TRAK2: variants seen among roughly 807,000 people sequenced by gnomAD.
The protein encoded by TRAK2 is trafficking kinesin-binding protein 2.
Under a neutral mutation model 104.6 loss-of-function variants are expected in TRAK2, and 81 were observed. The observed-to-expected ratio is 0.77, with a 90% CI of 0.65 to 0.93. TRAK2 has a LOEUF of 0.93. Ranked by LOEUF, TRAK2 falls within the 40% of genes least tolerant of loss-of-function variation. The pLI, the probability that TRAK2 is intolerant of heterozygous loss-of-function variation, is 0.00. For missense variants in TRAK2, 1,002 were observed against 1,089.0 expected (o/e 0.92, Z 1.12); for synonymous variants, 406 against 394.4 (o/e 1.03, Z -0.35).
intron 2 of TRAK2, among the ~76,000 whole-genome samples, chr2:201,417,563 C>T (rs1413353413): frequency 6.6e-6 from 1 of 152,078 alleles, no homozygotes; most frequent in Non-Finnish European, 1.5e-5. Context: ...AATTTCTCAT[C>T]CAATTTGGAA....
rs1951516257 is a variant in TRAK2, at chr2:201,397,903, T to G, written c.690+242A>C. 7.1e-6 allele frequency: 4 copies of G among 565,098 alleles called. No individual in the cohort carries two copies. The East Asian group carries it at 1.1e-4, about 16-fold the overall frequency. 35.0% of individuals were successfully genotyped at this position (565,098 alleles called of 1,614,324 possible). A position where few individuals can be genotyped will look rare whatever the true frequency, so the allele number is the denominator to read the frequency against. On this transcript the variant is annotated intron_variant, in intron 6 of 15. Transcript: ENST00000332624. ...TAACTACTTAGTTACTTGCGTAAAC[T>G]CCACAAGATACATTTTCTATCCTGT... is the stretch of plus-strand genomic sequence containing the variant.
chr2:201,388,008 GA>G lies in TRAK2; in HGVS notation c.1398-8del. On this transcript the variant is annotated splice_region_variant and splice_polypyrimidine_tract_variant and intron_variant, in intron 12 of 15. Transcript: ENST00000332624. ...GCCCATCTTCTGGGAGCTCCTATAG[GA>G]AAATCGCGTTCACTGATTAGATCTT... 6.2e-7 allele frequency: 1 copy of G among 1,613,974 alleles called. No individual in the cohort carries two copies. The highest frequency in any genetic ancestry group is 1.1e-5 in the South Asian group (1 of 91,028).
chr2:201,389,536 T>A, intron 11 of TRAK2, 33 bp from the exon 12 acceptor site: 1 of 1,589,030 alleles, frequency 6.3e-7, no homozygotes, highest in Non-Finnish European at 8.6e-7. Flanking sequence ...TTATTATCAC[T>A]GCTAGCCACT....
rs1576527091 is a variant in TRAK2, at chr2:201,420,677, T to A, written c.-170A>T. Reference sequence around the variant, plus strand: ...ACATCCGTAGCAACGAGCACTCTCATGTGATTATCATACTTTGGACAGTCA... The same window carrying A: ...ACATCCGTAGCAACGAGCACTCTCAAGTGATTATCATACTTTGGACAGTCA... On this transcript the variant is annotated 5_prime_UTR_variant, in exon 2 of 16. The change abolishes an upstream ATG in the 5' untranslated region. Transcript: ENST00000332624. 5.1e-6 allele frequency: 3 copies of A among 584,754 alleles called. No homozygotes were observed. In the East Asian group the frequency reaches 8.8e-5, roughly 17 times the overall value. 36.2% of individuals were successfully genotyped at this position (584,754 alleles called of 1,614,324 possible).
chr2:201,394,987 A>G, intron 8 of TRAK2, 115 bp from the exon 9 acceptor site: 1 of 932,500 alleles, frequency 1.1e-6, no homozygotes, highest in Non-Finnish European at 1.6e-6. Context: ...AAAGCCTACA[A>G]AAAGCTAACC....
At position 201,384,181 on chromosome 2, in the gene TRAK2, T is replaced by C. The variant is rs1256692945; in HGVS notation, c.1999A>G (p.Thr667Ala). 6.2e-7 allele frequency: 1 copy of C among 1,613,650 alleles called. No individual in the cohort carries two copies. Among genetic ancestry groups the C allele is most frequent in the South Asian group, 1.1e-5 (1 of 91,032 alleles). Residue 667 changes from threonine (T) to alanine (A), a missense_variant, in exon 15 of 16, where the codon ACA (threonine) becomes GCA (alanine). Transcript: ENST00000332624. The part of the protein sequence containing the change: ...TANPGKCLSC[T>A]NSTFTFTTCR... ...GTGGTGAAAGTGAATGTTGAGTTTGTGCACGACAGGCACTTTCCTGGGTTG... is the reference window on the plus strand; with the variant it reads ...GTGGTGAAAGTGAATGTTGAGTTTGCGCACGACAGGCACTTTCCTGGGTTG...
At chr2:201,397,304 C>A (rs990730459) in intron 7 of TRAK2, among the ~76,000 whole-genome samples, 198 bp downstream of exon 7, 1 of 152,112 alleles carries the variant, frequency 6.6e-6, no homozygotes, top group African/African-American at 2.4e-5. Context: ...CAATTTGAAA[C>A]AAATATATTT....
At chr2:201,398,980 T>C (rs1361406048) in intron 5 of TRAK2, among the ~76,000 whole-genome samples, 2 of 152,132 alleles carry the variant, frequency 1.3e-5, no homozygotes, top group South Asian at 2.1e-4. Flanking sequence ...AGAATAAATA[T>C]ATTTTCAAAG....
intron 1 of TRAK2, among the ~76,000 whole-genome samples, chr2:201,424,644 C>T (rs949644200): frequency 1.3e-5 from 2 of 151,546 alleles, no homozygotes; most frequent in South Asian, 4.2e-4. Flanking sequence ...ACTCTTTCGC[C>T]CAGGCCGGAC....
intron 1 of TRAK2, among the ~76,000 whole-genome samples, chr2:201,439,041 T>C (rs1951899969): frequency 6.6e-6 from 1 of 152,214 alleles, no homozygotes; most frequent in Non-Finnish European, 1.5e-5. Context: ...TAAATCTCTA[T>C]TCCAATAAAT....
chr2:201,397,496 A>G lies in TRAK2; in HGVS notation c.769+6T>C, dbSNP rs1951512375. 6.2e-7 allele frequency: 1 copy of G among 1,604,930 alleles called. No individual in the cohort carries two copies. The highest frequency in any genetic ancestry group is 1.7e-5 in the Admixed American group (1 of 59,660). ...AAGGTACAAAAGAGAATATGTTAATACTCACGAAGTTCTTTAACACAGTCG... is the reference window on the plus strand; with the variant it reads ...AAGGTACAAAAGAGAATATGTTAATGCTCACGAAGTTCTTTAACACAGTCG... On this transcript the variant is annotated splice_donor_region_variant and intron_variant, in intron 7 of 15. Coordinates refer to ENST00000332624, the MANE Select transcript of TRAK2 (RefSeq NM_015049.3).
intron 2 of TRAK2, among the ~76,000 whole-genome samples, chr2:201,413,647 C>G (rs1443261949): frequency 6.6e-6 from 1 of 151,862 alleles, no homozygotes; most frequent in East Asian, 1.9e-4. Context: ...GGAAACCATC[C>G]AATCCTGCCT....
rs1951329953 is a variant in TRAK2, at chr2:201,380,565, A to G, written c.2723T>C (p.Met908Thr). The change falls in exon 16 of 16, where the codon ATG (methionine) becomes ACG (threonine). Residue 908 changes from methionine to threonine, a missense_variant. By Grantham distance (81) the Met-to-Thr change is moderately conservative (BLOSUM62 -1). Transcript: ENST00000332624. Reference sequence around the variant, plus strand: ...ACCTCAGTCCTCCTTCAGGACACCCATTTTGGGTGAGGATGTGCAAACTGG... The same window carrying G: ...ACCTCAGTCCTCCTTCAGGACACCCGTTTTGGGTGAGGATGTGCAAACTGG... ...AAPVCTSSPK[M>T]GVLKED is the part of the protein sequence containing the mutation. 1 of 1,613,718 alleles carries G rather than the reference A, an allele frequency of 6.2e-7. No homozygotes were observed. The highest frequency in any genetic ancestry group is 8.5e-7 in the Non-Finnish European group (1 of 1,179,886).
Position 201,397,597 on chromosome 2 carries a change from AG to A in TRAK2, c.691-18del. ...GTGACAAGCCTTCAAGAAAAAAATC[AG>A]TATGTGACAATACCTTCTAGTGATT... On this transcript the variant is annotated intron_variant, in intron 6 of 15. Transcript: ENST00000332624. 1 of 1,549,904 alleles carries A rather than the reference AG, an allele frequency of 6.5e-7. No individual in the cohort carries two copies. The highest frequency in any genetic ancestry group is 8.9e-7 in the Non-Finnish European group (1 of 1,124,000).
At chr2:201,393,282 G>C (rs1201038056) in intron 9 of TRAK2, among the ~76,000 whole-genome samples, 3 of 152,112 alleles carry the variant, frequency 2.0e-5, no homozygotes, top group African/African-American at 4.8e-5. Flanking sequence ...GTGACTTCCT[G>C]AAAGTCTGAA....
chr2:201,423,150 C>G (rs1283814740), intron 1 of TRAK2, among the ~76,000 whole-genome samples: 1 of 151,702 alleles, frequency 6.6e-6, no homozygotes, highest in Non-Finnish European at 1.5e-5. Context: ...TCATAGCTCA[C>G]TATAGCCTTG....
Position 201,380,385 on chromosome 2 carries a change from C to T in TRAK2, c.*158G>A. ...ATTTGCCCGACTTCCTCCATTAGGG[C>T]TCATCCCAATTTTATTTCCATTCCT... On this transcript the variant is annotated 3_prime_UTR_variant, in exon 16 of 16. Coordinates refer to ENST00000332624, the MANE Select transcript of TRAK2 (RefSeq NM_015049.3). The T allele has an allele frequency of 1.3e-6, 1 of 768,604 alleles. No homozygotes were observed. The highest frequency in any genetic ancestry group is 2.1e-6 in the Non-Finnish European group (1 of 482,218). The allele number at this position is 768,604 out of a possible 1,614,324, so 47.6% of individuals were successfully genotyped here.
At chr2:201,420,872 C>G (rs1352618979) in intron 1 of TRAK2, among the ~76,000 whole-genome samples, 166 bp from the exon 2 acceptor site, 3 of 152,206 alleles carry the variant, frequency 2.0e-5, no homozygotes, top group African/African-American at 7.2e-5. Flanking sequence ...AAAGAGTACA[C>G]AGTTTATGAC....
At position 201,380,926 on chromosome 2, in the gene TRAK2, A is replaced by G. The variant is rs1951337165; in HGVS notation, c.2362T>C (p.Ser788Pro). Residue 788 changes from serine to proline, a missense_variant, in exon 16 of 16, where the codon TCT (serine) becomes CCT (proline). By Grantham distance (74) the Ser-to-Pro change is moderately conservative. Transcript: ENST00000332624. Reference sequence around the variant, plus strand: ...ACTCGAGGCTCAAAGGGTAAAGGAGAAGGGCAAGGTGAGTGAGATGGTGAA... The same window carrying G: ...ACTCGAGGCTCAAAGGGTAAAGGAGGAGGGCAAGGTGAGTGAGATGGTGAA... The part of the protein sequence containing the change: ...PNSPSHSPCP[S>P]PLPFEPRVHL... 1.2e-6 allele frequency: 2 copies of G among 1,614,126 alleles called. No homozygotes were observed. The highest frequency in any genetic ancestry group is 1.7e-6 in the Non-Finnish European group (2 of 1,180,006).
Sources: gnomAD v4.1 joint callset for allele counts (sites outside exome capture counted in the v4.1 genomes callset) on GRCh38, gnomAD v4.1.1 for gene constraint, MANE v1.5 for transcripts, NCBI Gene and HGNC (gene_info 2026-07-23, HGNC 2026-07-21) for gene names.